Variants in CHL1 observed in about 807,000 individuals in gnomAD.
CHL1 encodes the protein cell adhesion molecule L1 like.
Under a neutral mutation model 141.9 loss-of-function variants are expected in CHL1, and 96 were observed. That is an observed-to-expected ratio of 0.68 (90% confidence interval 0.57 to 0.80). CHL1 has a LOEUF of 0.80. Ranked by LOEUF, CHL1 falls within the 30% of genes least tolerant of loss-of-function variation. The pLI is 0.00. For missense variants in CHL1, 1,820 were observed against 1,457.2 expected (o/e 1.25, Z -4.05); for synonymous variants, 613 against 502.2 (o/e 1.22, Z -2.95).
chr3:405,394 T>C (rs987829974), intron 27 of CHL1, 101 bp from the exon 28 acceptor site: 4 of 762,698 alleles, frequency 5.2e-6, no homozygotes, highest in South Asian at 1.8e-5. Flanking sequence ...AACACAAATG[T>C]CCTGAAAATT....
chr3:211,190 C>T (rs540713500), intron 1 of CHL1, among the ~76,000 whole-genome samples: 2 of 152,298 alleles, frequency 1.3e-5, no homozygotes, highest in Admixed American at 6.5e-5. Flanking sequence ...AGAGCTCCTG[C>T]ATTTCCTTCT....
chr3:266,289 G>A (rs1248039417), intron 2 of CHL1, among the ~76,000 whole-genome samples: 1 of 152,048 alleles, frequency 6.6e-6, no homozygotes, highest in African/African-American at 2.4e-5. Flanking sequence ...GCTCTGATGG[G>A]GACCTGCAGT....
chr3:408,243 G>C lies in CHL1; in HGVS notation c.*2532G>C, dbSNP rs1575323931. ...GTCAACAGCCAATATTTAAAACTTT[G>C]TTCGTTACTGGCTTTACCCTAACTT... On this transcript the variant is annotated 3_prime_UTR_variant, in exon 28 of 28. Transcript: ENST00000256509. The C allele has an allele frequency of 6.6e-6, 1 of 152,032 alleles. No homozygotes were observed. Among genetic ancestry groups the C allele is most frequent in the African/African-American group, 2.4e-5 (1 of 41,396 alleles). 9.4% of individuals were successfully genotyped at this position (152,032 alleles called of 1,614,324 possible). A position where few individuals can be genotyped will look rare whatever the true frequency, so the allele number is the denominator to read the frequency against.
At chr3:242,412 C>T (rs60724280) in intron 1 of CHL1, among the ~76,000 whole-genome samples, 134 of 138,614 alleles carry the variant, frequency 9.7e-4, no homozygotes, top group East Asian at 4.2e-3. Context: ...CTGGCTAACA[C>T]GGTGAAACCC....
intron 1 of CHL1, among the ~76,000 whole-genome samples, chr3:235,411 G>A (rs1691871340): frequency 6.6e-6 from 1 of 152,038 alleles, no homozygotes; most frequent in Admixed American, 6.6e-5. Context: ...TGGGTTGTAA[G>A]GATAAAATGA....
At chr3:370,611 T>C (rs182121364) in intron 15 of CHL1, among the ~76,000 whole-genome samples, 21 of 152,234 alleles carry the variant, frequency 1.4e-4, no homozygotes, top group African/African-American at 4.8e-4. Context: ...CCTTCAATTC[T>C]GCTCTGATTT....
At chr3:383,583 C>G (rs888716495) in intron 18 of CHL1, among the ~76,000 whole-genome samples, 2 of 152,196 alleles carry the variant, frequency 1.3e-5, no homozygotes, top group Middle Eastern at 3.4e-3. Context: ...ACTAAACCAT[C>G]TACTCTCCAC....
intron 1 of CHL1, among the ~76,000 whole-genome samples, chr3:241,584 G>T (rs58516654): frequency 0.51 from 75,672 of 147,974 alleles, 20,664 homozygotes; most frequent in Non-Finnish European, 0.62. Context: ...CTTCTCTCTG[G>T]TTTTTTTTTT....
chr3:367,975 A>G (rs1297281695), intron 15 of CHL1, among the ~76,000 whole-genome samples: 1 of 152,022 alleles, frequency 6.6e-6, no homozygotes, highest in African/African-American at 2.4e-5. Flanking sequence ...TCTGTACCAC[A>G]TTTTCTTTAT....
chr3:221,406 T>G (rs1700827578), intron 1 of CHL1, among the ~76,000 whole-genome samples: 1 of 152,216 alleles, frequency 6.6e-6, no homozygotes, highest in African/African-American at 2.4e-5. Context: ...AGAAGATCGA[T>G]ATCAACTTTT....
intron 1 of CHL1, among the ~76,000 whole-genome samples, chr3:238,417 GA>G (rs966537220): frequency 3.7e-5 from 4 of 109,396 alleles, no homozygotes; most frequent in Admixed American, 3.0e-4. Flanking sequence ...TTTTTTAAAG[GA>G]AAAAAAATAA....
At position 286,271 on chromosome 3, in the gene CHL1, G is replaced by T. The variant is rs961234494; in HGVS notation, c.-94-33412G>T. 5.9e-5 allele frequency among the ~76,000 whole-genome samples: 9 copies of T among 152,120 alleles called. 1 individual carries two copies. Among genetic ancestry groups the T allele is most frequent in the Non-Finnish European group, 1.3e-4 (9 of 68,030 alleles). On this transcript the variant is annotated intron_variant, in intron 2 of 27. Transcript: ENST00000256509. ...AAGTGGGTTCTTGGATCTCGCACAA[G>T]AAAGAATTTGGGGCAAGTCCATAGA... is the stretch of plus-strand genomic sequence containing the variant.
At chr3:197,757 A>G (rs1225210817) in intron 1 of CHL1, 1 of 455,094 alleles carries the variant, frequency 2.2e-6, no homozygotes, top group Non-Finnish European at 4.4e-6. Flanking sequence ...CCGAGGGGCG[A>G]GAGGGCGCGC....
At chr3:391,621 T>C (rs1158403988) in intron 22 of CHL1, 54 bp from the exon 23 acceptor site, 41 of 1,349,488 alleles carry the variant, frequency 3.0e-5, no homozygotes, top group Non-Finnish European at 3.0e-5. Context: ...ATAATAAGGC[T>C]TTTTTGAATT....
intron 2 of CHL1, among the ~76,000 whole-genome samples, chr3:314,860 G>A (rs957715309): frequency 6.6e-6 from 1 of 152,110 alleles, no homozygotes; most frequent in Non-Finnish European, 1.5e-5. Flanking sequence ...CTTAGGAGGA[G>A]CTACAAAGTC....
At chr3:296,057 A>T (rs907273778) in intron 2 of CHL1, among the ~76,000 whole-genome samples, 1 of 151,948 alleles carries the variant, frequency 6.6e-6, no homozygotes, top group Non-Finnish European at 1.5e-5. Flanking sequence ...TATATTTTTG[A>T]TGTGGTGAGG....
chr3:203,499 T>C (rs1699135947), intron 1 of CHL1, among the ~76,000 whole-genome samples: 1 of 152,172 alleles, frequency 6.6e-6, no homozygotes, highest in Non-Finnish European at 1.5e-5. Flanking sequence ...TAGATCCTAC[T>C]CCAAAGAGGT....
At chr3:320,023 T>A (rs1700438041) in intron 3 of CHL1, among the ~76,000 whole-genome samples, 156 bp downstream of exon 3, 1 of 152,032 alleles carries the variant, frequency 6.6e-6, no homozygotes, top group Non-Finnish European at 1.5e-5. Flanking sequence ...TCTTTTTCGT[T>A]TTGTGGGTGG....
chr3:351,558 CTTTT>C (rs1388443707), intron 10 of CHL1, among the ~76,000 whole-genome samples: 1 of 151,978 alleles, frequency 6.6e-6, no homozygotes, highest in Non-Finnish European at 1.5e-5. Context: ...TCTCCTTTTC[CTTTT>C]TTGTCTCTTT....
Sources: gnomAD v4.1 joint callset for allele counts (sites outside exome capture counted in the v4.1 genomes callset) on GRCh38, gnomAD v4.1.1 for gene constraint, MANE v1.5 for transcripts, NCBI Gene and HGNC (gene_info 2026-07-23, HGNC 2026-07-21) for gene names.